ARID2: variants seen among roughly 807,000 people sequenced by gnomAD.
The protein encoded by ARID2 is AT-rich interaction domain 2.
A neutral mutation model predicts 184.6 loss-of-function variants in ARID2; 32 were observed. The observed-to-expected ratio is 0.17, with a 90% CI of 0.13 to 0.23. ARID2 has a LOEUF of 0.23. ARID2 is among the 10% of genes least tolerant of loss of function. The pLI is 1.00. For missense variants in ARID2, 1,696 were observed against 2,197.6 expected (o/e 0.77, Z 4.56); for synonymous variants, 836 against 772.6 (o/e 1.08, Z -1.36).
At chr12:45,855,595 A>G (rs548782414) in intron 15 of ARID2, among the ~76,000 whole-genome samples, 7 of 152,324 alleles carry the variant, frequency 4.6e-5, no homozygotes, top group African/African-American at 1.7e-4. Flanking sequence ...TAACAGACAA[A>G]AAAATTAACT....
chr12:45,731,132 C>T, intron 2 of ARID2, 85 bp from the exon 3 acceptor site: 1 of 1,003,546 alleles, frequency 1.0e-6, no homozygotes, highest in East Asian at 2.4e-5. Context: ...CTACAGATCT[C>T]TGTAGAATGG....
intron 10 of ARID2, 114 bp from the exon 11 acceptor site, chr12:45,839,215 C>T (rs913316587): frequency 3.9e-6 from 4 of 1,029,254 alleles, no homozygotes; most frequent in Non-Finnish European, 5.5e-6. Flanking sequence ...TACTGTGATT[C>T]ATGGACTAGC....
intron 20 of ARID2, among the ~76,000 whole-genome samples, chr12:45,899,343 A>G (rs955350799): frequency 2.7e-4 from 40 of 147,000 alleles, no homozygotes; most frequent in South Asian, 4.3e-4. Context: ...GGTGGCTCAC[A>G]CCTGTAATCC....
Position 45,852,122 on chromosome 12 carries a change from T to C in ARID2, c.3999T>C (p.Asn1333=), listed in dbSNP as rs1228585009. 5.6e-6 allele frequency: 9 copies of C among 1,614,178 alleles called. No homozygotes were observed. Among genetic ancestry groups the C allele is most frequent in the Non-Finnish European group, 7.6e-6 (9 of 1,180,016 alleles). ...SNGPSLELGE[N]GASGKQNSEQ... is the part of the protein sequence containing the mutation. ...GGCCATCATTGGAATTAGGTGAGAA[T>C]GGAGCATCTGGGAAACAGAACTCAG... The change falls in exon 15 of 21, where the codon AAT becomes AAC. Residue 1333 remains asparagine, a synonymous_variant. Transcript: ENST00000334344.
Position 45,885,530 on chromosome 12 carries a change from T to C in ARID2, c.4923-6250T>C, listed in dbSNP as rs186847637. 4.6e-3 allele frequency among the ~76,000 whole-genome samples: 697 copies of C among 151,974 alleles called. 2 individuals carry two copies. Among genetic ancestry groups the C allele is most frequent in the African/African-American group, 0.016 (654 of 41,466 alleles). On this transcript the variant is annotated intron_variant, in intron 16 of 20. Coordinates refer to ENST00000334344, the MANE Select transcript of ARID2 (RefSeq NM_152641.4). ...ATACTCTTTGGCCACCAAAGAAAAATAGCCTGCCAAGACCTTGAGTAAATA... is the reference window on the plus strand; with the variant it reads ...ATACTCTTTGGCCACCAAAGAAAAACAGCCTGCCAAGACCTTGAGTAAATA...
At chr12:45,825,147 A>G (rs949734754) in intron 6 of ARID2, among the ~76,000 whole-genome samples, 4 of 152,086 alleles carry the variant, frequency 2.6e-5, no homozygotes, top group Admixed American at 6.6e-5. Flanking sequence ...ACCTAGTTAG[A>G]AAGAATAAAT....
intron 3 of ARID2, among the ~76,000 whole-genome samples, chr12:45,735,726 G>C (rs1941103004): frequency 6.6e-6 from 1 of 152,144 alleles, no homozygotes; most frequent in Admixed American, 6.5e-5. Context: ...AGAAAGTGGA[G>C]AAAGTTGAAA....
chr12:45,834,762 GAT>G (rs747919895), intron 6 of ARID2, among the ~76,000 whole-genome samples: 1 of 152,134 alleles, frequency 6.6e-6, no homozygotes, highest in African/African-American at 2.4e-5. Flanking sequence ...TACGTTGGCA[GAT>G]ATTTTCTTCC....
At chr12:45,793,222 C>T (rs1437292181) in intron 3 of ARID2, among the ~76,000 whole-genome samples, 1 of 152,036 alleles carries the variant, frequency 6.6e-6, no homozygotes, top group African/African-American at 2.4e-5. Flanking sequence ...ACCGCTTGAA[C>T]CCCGGAAGCA....
intron 3 of ARID2, among the ~76,000 whole-genome samples, chr12:45,731,994 C>A (rs1941013026): frequency 6.6e-6 from 1 of 151,332 alleles, no homozygotes; most frequent in African/African-American, 2.4e-5. Flanking sequence ...TCTTCTTTGA[C>A]TGCTTATTCG....
In ARID2 at chr12:45,837,613, G is replaced by A. The variant is rs746373817; in HGVS notation, c.1236G>A (p.Val412=). The A allele has an allele frequency of 4.3e-5, 69 of 1,613,936 alleles. 1 individual carries two copies. The South Asian group carries it at 6.1e-4, about 14-fold the overall frequency. The change falls in exon 10 of 21, where the codon GTG becomes GTA. Residue 412 remains valine, a synonymous_variant. Coordinates refer to ENST00000334344, the MANE Select transcript of ARID2 (RefSeq NM_152641.4). ...EIICHLTLPD[V]LLVISTLEVL... ...TTTGTCATCTCACTTTACCTGATGT[G>A]CTGCTTGTAATCTCAACACTCGAGG...
chr12:45,809,120 G>A (rs1257497309), intron 3 of ARID2, among the ~76,000 whole-genome samples: 1 of 152,086 alleles, frequency 6.6e-6, no homozygotes, highest in Non-Finnish European at 1.5e-5. Flanking sequence ...CTTATGAAGA[G>A]CATCCTAAAC....
At position 45,905,812 on chromosome 12, in the gene ARID2, G is replaced by C; in HGVS notation, c.*734G>C. On this transcript the variant is annotated 3_prime_UTR_variant, in exon 21 of 21. Coordinates refer to ENST00000334344, the MANE Select transcript of ARID2 (RefSeq NM_152641.4). ...AGTTTTCTAGACTTTCCTGTCAATT[G>C]TAAGTAATTGTGATATATTCTATGC... 1 of 232,736 alleles carries C rather than the reference G, an allele frequency of 4.3e-6. No homozygotes were observed. Among genetic ancestry groups the C allele is most frequent in the Non-Finnish European group, 8.5e-6 (1 of 117,554 alleles). 14.4% of individuals were successfully genotyped at this position (232,736 alleles called of 1,614,324 possible). A position where few individuals can be genotyped will look rare whatever the true frequency, so the allele number is the denominator to read the frequency against.
chr12:45,755,071 G>GAT, intron 3 of ARID2, among the ~76,000 whole-genome samples: 1 of 152,292 alleles, frequency 6.6e-6, no homozygotes, highest in Middle Eastern at 3.4e-3. Context: ...ACATGTAAAT[G>GAT]AACTCTGCTG....
intron 3 of ARID2, among the ~76,000 whole-genome samples, chr12:45,797,092 TATA>T (rs1482560307): frequency 6.6e-6 from 1 of 152,116 alleles, no homozygotes; most frequent in Non-Finnish European, 1.5e-5. Context: ...TTTTAAAAAT[TATA>T]ATATCAATCC....
At chr12:45,748,350 C>T (rs911048840) in intron 3 of ARID2, among the ~76,000 whole-genome samples, 2 of 152,150 alleles carry the variant, frequency 1.3e-5, no homozygotes, top group Non-Finnish European at 2.9e-5. Context: ...ATGATTGTGC[C>T]ACTGGACTCC....
chr12:45,794,260 T>C (rs1942346858), intron 3 of ARID2, among the ~76,000 whole-genome samples: 1 of 152,254 alleles, frequency 6.6e-6, no homozygotes, highest in Admixed American at 6.5e-5. Flanking sequence ...ACTAGCAGTT[T>C]ATTTTTCCTT....
intron 3 of ARID2, among the ~76,000 whole-genome samples, chr12:45,766,926 C>A (rs1330284464): frequency 6.6e-6 from 1 of 150,376 alleles, no homozygotes; most frequent in Non-Finnish European, 1.5e-5. Context: ...CAAGATCGCG[C>A]CATTGCACTC....
intron 3 of ARID2, among the ~76,000 whole-genome samples, chr12:45,790,289 CTG>C (rs1394533664): frequency 6.6e-6 from 1 of 152,034 alleles, no homozygotes; most frequent in Non-Finnish European, 1.5e-5. Flanking sequence ...AGAATTGTTT[CTG>C]TCTCTTTTAT....
Sources: allele counts gnomAD v4.1 joint callset (sites outside exome capture counted in the v4.1 genomes callset), GRCh38; gene constraint gnomAD v4.1.1; transcripts MANE v1.5; gene names NCBI Gene and HGNC (gene_info 2026-07-23, HGNC 2026-07-21).